DIP2C: variants seen among roughly 807,000 people sequenced by gnomAD.
DIP2C encodes disco-interacting protein 2 homolog C.
Under a neutral mutation model 192.4 loss-of-function variants are expected in DIP2C, and 33 were observed. The observed-to-expected ratio is 0.17, with a 90% CI of 0.13 to 0.23. DIP2C has a LOEUF of 0.23. DIP2C is among the 10% of genes least tolerant of loss of function. The pLI is 1.00. For missense variants in DIP2C, 1,537 were observed against 2,110.1 expected, an observed-to-expected ratio of 0.73 and a Z score of 5.32; for synonymous variants, 979 against 864.1, an observed-to-expected ratio of 1.13 and a Z score of -2.33.
intron 4 of DIP2C, among the ~76,000 whole-genome samples, chr10:424,354 GGTTT>G (rs1363005010): frequency 2.6e-4 from 31 of 121,050 alleles, no homozygotes; most frequent in African/African-American, 9.9e-4. Context: ...TATCACCTTG[GGTTT>G]TTTTTTTTTT....
intron 1 of DIP2C, chr10:663,811 A>G (rs2132095182): frequency 6.6e-6 from 1 of 151,938 alleles, no homozygotes; most frequent in South Asian, 2.1e-4. Context: ...GCTCTCAAGC[A>G]GGGGCGATTC....
intron 10 of DIP2C, among the ~76,000 whole-genome samples, chr10:395,160 G>A (rs1470561424): frequency 1.4e-5 from 1 of 71,666 alleles, no homozygotes; most frequent in Non-Finnish European, 2.5e-5. Context: ...GGGGGAGGGA[G>A]GACATGGGGA....
intron 1 of DIP2C, among the ~76,000 whole-genome samples, chr10:570,749 T>C (rs1849743483): frequency 6.6e-6 from 1 of 152,194 alleles, no homozygotes; most frequent in Non-Finnish European, 1.5e-5. Flanking sequence ...ACAACCTACT[T>C]TGCTCCCAGC....
chr10:408,933 C>G lies in DIP2C; in HGVS notation c.1142G>C (p.Gly381Ala), dbSNP rs765287149. The G allele has an allele frequency of 1.2e-6, 2 of 1,614,088 alleles. No individual in the cohort carries two copies. Among genetic ancestry groups the G allele is most frequent in the African/African-American group, 2.7e-5 (2 of 74,940 alleles). The change falls in exon 9 of 37, where the codon GGA becomes GCA. Residue 381 changes from glycine to alanine, a missense_variant. By Grantham distance (60) the Gly-to-Ala change is moderately conservative (BLOSUM62 0). This residue lies in a region of DIP2C where 473 missense variants were observed against 539.6 expected (regional missense o/e 0.88). Transcript: ENST00000280886. ...AGTTTAAGTTGCACTTACCCTATCT[C>G]CAGGCCGGACCATGGGTTCCTGCTT... is the stretch of plus-strand genomic sequence containing the variant. The part of the protein sequence containing the change: ...GTKQEPMVRP[G>A]DRVALVFPNN...
At position 626,218 on chromosome 10, in the gene DIP2C, T is replaced by C. The variant is rs571986819; in HGVS notation, c.85+63276A>G. Among the ~76,000 whole-genome samples the C allele has an allele frequency of 7.9e-5, 12 of 152,286 alleles. No individual in the cohort carries two copies. The South Asian group carries it at 2.5e-3, about 32-fold the overall frequency. ...GTGACGGGGACAGTCAGGGTCTCAC[T>C]GTCCAGATGGGAAACTGGGGCGGAA... On this transcript the variant is annotated intron_variant, in intron 1 of 36. Transcript: ENST00000280886.
At chr10:509,189 G>A (rs919673636) in intron 1 of DIP2C, among the ~76,000 whole-genome samples, 2 of 152,146 alleles carry the variant, frequency 1.3e-5, no homozygotes, top group Non-Finnish European at 2.9e-5. Flanking sequence ...ATTCCCTGGT[G>A]GCACGCGTGG....
At chr10:620,988 T>C (rs1853812382) in intron 1 of DIP2C, among the ~76,000 whole-genome samples, 1 of 152,242 alleles carries the variant, frequency 6.6e-6, no homozygotes, top group African/African-American at 2.4e-5. Flanking sequence ...AAGATGCATT[T>C]GAACGTTCTT....
At chr10:471,753 TTTG>T (rs1425115478) in intron 3 of DIP2C, among the ~76,000 whole-genome samples, 58 of 152,264 alleles carry the variant, frequency 3.8e-4, no homozygotes, top group East Asian at 1.2e-3. Flanking sequence ...AGCCTGAGTT[TTTG>T]TTGTTGTTGT....
chr10:340,066 A>C (rs927728880), intron 29 of DIP2C, among the ~76,000 whole-genome samples: 3 of 152,086 alleles, frequency 2.0e-5, no homozygotes, highest in Admixed American at 1.3e-4. Flanking sequence ...CTCTAATCCC[A>C]GCTACTCGGG....
At chr10:400,853 G>C (rs1393738319) in intron 9 of DIP2C, among the ~76,000 whole-genome samples, 1 of 151,424 alleles carries the variant, frequency 6.6e-6, no homozygotes, top group Non-Finnish European at 1.5e-5. Context: ...TGAATCCTGT[G>C]ATTTTACACG....
At chr10:657,857 A>C (rs1411691877) in intron 1 of DIP2C, among the ~76,000 whole-genome samples, 1 of 149,636 alleles carries the variant, frequency 6.7e-6, no homozygotes, top group Non-Finnish European at 1.5e-5. Context: ...CTGCCGCTGG[A>C]CCTGATGCTG....
chr10:391,010 C>A lies in DIP2C; in HGVS notation c.1261-147G>T, dbSNP rs1004247247. ...CCCTGCTGCTTGGTATCTGTGGGAC[C>A]CTGAACAGGTGAGACTGCATGGCCT... On this transcript the variant is annotated intron_variant, in intron 10 of 36. Transcript: ENST00000280886. 44 of 1,187,162 alleles carry A rather than the reference C, an allele frequency of 3.7e-5. No homozygotes were observed. The Admixed American group carries it at 1.0e-3, about 28-fold the overall frequency. 73.5% of individuals were successfully genotyped at this position (1,187,162 alleles called of 1,614,324 possible).
chr10:416,741 C>T (rs534497429), intron 6 of DIP2C, among the ~76,000 whole-genome samples: 11 of 152,164 alleles, frequency 7.2e-5, no homozygotes, highest in African/African-American at 1.7e-4. Flanking sequence ...AGGACCAAGA[C>T]GCTGATGCCA....
intron 31 of DIP2C, among the ~76,000 whole-genome samples, chr10:323,786 T>C (rs998344904): frequency 6.6e-6 from 1 of 152,218 alleles, no homozygotes; most frequent in African/African-American, 2.4e-5. Context: ...CAGGCTTTCC[T>C]TATTAGGACT....
intron 1 of DIP2C, among the ~76,000 whole-genome samples, chr10:643,375 G>A (rs1013936829): frequency 1.1e-3 from 160 of 152,114 alleles, no homozygotes; most frequent in African/African-American, 3.7e-3. Flanking sequence ...TTAGCCAGGC[G>A]TGGTGGCGGG....
chr10:363,820 C>A lies in DIP2C; in HGVS notation c.2478-509G>T, dbSNP rs952848426. Among the ~76,000 whole-genome samples the A allele has an allele frequency of 1.4e-4, 22 of 152,284 alleles. No individual in the cohort carries two copies. The East Asian group carries it at 4.2e-3, about 29-fold the overall frequency. On this transcript the variant is annotated intron_variant, in intron 20 of 36. Coordinates refer to ENST00000280886, the MANE Select transcript of DIP2C (RefSeq NM_014974.3). The surrounding 1 kb of genome is among the most constrained non-coding windows in gnomAD (Gnocchi z 5.4). ...AATTCAAAGGCAGCAACATCATATC[C>A]AGGTATCTACTTCCTGCTCCCATCA...
intron 1 of DIP2C, among the ~76,000 whole-genome samples, chr10:560,835 C>T (rs762798476): frequency 6.6e-6 from 1 of 152,134 alleles, no homozygotes. Context: ...CTTATCACCC[C>T]GCCTCCCTTC....
At chr10:443,238 A>G (rs1967891623) in intron 3 of DIP2C, among the ~76,000 whole-genome samples, 1 of 152,222 alleles carries the variant, frequency 6.6e-6, no homozygotes, top group African/African-American at 2.4e-5. Flanking sequence ...GCATCCACTG[A>G]TGATTTCCTG....
intron 3 of DIP2C, among the ~76,000 whole-genome samples, chr10:454,383 A>G (rs939631906): frequency 3.3e-5 from 5 of 152,224 alleles, no homozygotes; most frequent in Admixed American, 2.0e-4. Flanking sequence ...AAAATACTAA[A>G]AAGGGATAAA....
Sources: gnomAD v4.1 joint callset for allele counts (sites outside exome capture counted in the v4.1 genomes callset) on GRCh38, gnomAD v4.1.1 for gene constraint, gnomAD v4.1.1 regional missense constraint, Gnocchi (gnomAD v3.1) non-coding constraint, MANE v1.5 for transcripts, NCBI Gene and HGNC (gene_info 2026-07-23, HGNC 2026-07-21) for gene names.